Variants in PPP1R14C observed in about 807,000 individuals in gnomAD.
PPP1R14C encodes the protein protein phosphatase 1 regulatory inhibitor subunit 14C, also known as protein phosphatase 1 regulatory subunit 14C.
Under a neutral mutation model 20.4 loss-of-function variants are expected in PPP1R14C, and 16 were observed. That is an observed-to-expected ratio of 0.78 (90% CI 0.53 to 1.19). The LOEUF (loss-of-function observed/expected upper bound fraction) is 1.19. PPP1R14C is among the 50% of genes most tolerant of loss of function. The pLI is 0.00. For synonymous variants in PPP1R14C, 91 were observed against 91.0 expected, an observed-to-expected ratio of 1.00 and a Z score of 0.00; for missense variants, 211 against 220.1, an observed-to-expected ratio of 0.96 and a Z score of 0.26.
chr6:150,154,844 T>C (rs982146919), intron 1 of PPP1R14C, among the ~76,000 whole-genome samples: 1 of 152,212 alleles, frequency 6.6e-6, no homozygotes, highest in Non-Finnish European at 1.5e-5. Flanking sequence ...CTATTGGCTT[T>C]CAAGTTAAGT....
intron 1 of PPP1R14C, among the ~76,000 whole-genome samples, chr6:150,212,382 A>G (rs1192762289): frequency 6.6e-6 from 1 of 152,186 alleles, no homozygotes; most frequent in Non-Finnish European, 1.5e-5. Flanking sequence ...TGCAATACCT[A>G]ACAGAGAGCC....
intron 3 of PPP1R14C, among the ~76,000 whole-genome samples, chr6:150,241,855 C>T (rs575700278): frequency 6.6e-6 from 1 of 152,194 alleles, no homozygotes; most frequent in South Asian, 2.1e-4. Flanking sequence ...CCATTGCACT[C>T]CAGCCTGGGT....
At chr6:150,183,188 T>A (rs1433080176) in intron 1 of PPP1R14C, among the ~76,000 whole-genome samples, 1 of 147,956 alleles carries the variant, frequency 6.8e-6, no homozygotes, top group African/African-American at 2.5e-5. Flanking sequence ...TGAAGGGGAT[T>A]TTTTTTTTTT....
At chr6:150,160,351 A>G (rs1185609623) in intron 1 of PPP1R14C, among the ~76,000 whole-genome samples, 4 of 129,152 alleles carry the variant, frequency 3.1e-5, no homozygotes, top group East Asian at 4.6e-4. Context: ...TGCAAGCTCC[A>G]CCTCCTGGGT....
chr6:150,238,455 G>A (rs932513), intron 3 of PPP1R14C, among the ~76,000 whole-genome samples: 82,927 of 152,142 alleles, frequency 0.55, 24,677 homozygotes, highest in African/African-American at 0.8. Context: ...TGGCCTTTCA[G>A]TGAACACAGA....
intron 1 of PPP1R14C, among the ~76,000 whole-genome samples, chr6:150,195,549 G>A (rs1777794065): frequency 6.6e-6 from 1 of 152,138 alleles, no homozygotes; most frequent in Admixed American, 6.6e-5. Context: ...GTTTCACCAT[G>A]TTGCCCAGGC....
intron 3 of PPP1R14C, among the ~76,000 whole-genome samples, chr6:150,240,543 G>A (rs1264589864): frequency 2.0e-5 from 3 of 152,204 alleles, no homozygotes; most frequent in Non-Finnish European, 4.4e-5. Context: ...CTGATTGGTT[G>A]CAGAAGGTGA....
At position 150,173,731 on chromosome 6, in the gene PPP1R14C, C is replaced by T. The variant is rs565595385; in HGVS notation, c.306+30233C>T. Among the ~76,000 whole-genome samples the T allele has an allele frequency of 3.3e-5, 5 of 152,222 alleles. No homozygotes were observed. The East Asian group carries it at 5.8e-4, about 18-fold the overall frequency. On this transcript the variant is annotated intron_variant, in intron 1 of 3. Transcript: ENST00000361131. ...TCAGAATAATGCCGATGCCAGCCAG[C>T]GCTAGGAATGGAGGCCCGCAGAGGC...
chr6:150,149,455 CTTTTTTTTTTTTT>C (rs869244401), intron 1 of PPP1R14C, among the ~76,000 whole-genome samples: 3 of 35,484 alleles, frequency 8.5e-5, no homozygotes, highest in Admixed American at 3.2e-4. Flanking sequence ...TTTTTTTTTT[CTTTTTTTTTTTTT>C]TTTTTTTTTT....
rs143429267 is a variant in PPP1R14C, at chr6:150,237,684, G to C, written c.424-11062G>C. ...ATCATTTAATCCTTACAGCATCCTT[G>C]AGGTGAGGTCTTATTGTCATTGCTC... On this transcript the variant is annotated intron_variant, in intron 3 of 3. Transcript: ENST00000361131. 5.4e-3 allele frequency among the ~76,000 whole-genome samples: 819 copies of C among 152,252 alleles called. 7 individuals carry two copies. Among genetic ancestry groups the C allele is most frequent in the South Asian group, 0.011 (53 of 4,818 alleles).
At chr6:150,172,626 T>G (rs1231893028) in intron 1 of PPP1R14C, among the ~76,000 whole-genome samples, 2 of 152,166 alleles carry the variant, frequency 1.3e-5, no homozygotes, top group Non-Finnish European at 2.9e-5. Flanking sequence ...CTTGGTTTAT[T>G]GTGGGCCTCA....
intron 1 of PPP1R14C, among the ~76,000 whole-genome samples, chr6:150,202,832 C>CTTTTG (rs1192656412): frequency 7.9e-5 from 12 of 152,312 alleles, no homozygotes; most frequent in African/African-American, 2.4e-4. Flanking sequence ...TAGTCTTGGT[C>CTTTTG]TTTTGTTTTG....
At position 150,249,390 on chromosome 6, in the gene PPP1R14C, G is replaced by T. The variant is rs1368991885; in HGVS notation, c.*570G>T. ...CACTAGGCATTCTTCACTGAGTGCT[G>T]CTGACTTCAACGTTCACTTTATGCA... On this transcript the variant is annotated 3_prime_UTR_variant, in exon 4 of 4. Transcript: ENST00000361131. The T allele has an allele frequency of 5.0e-6, 2 of 398,700 alleles. No homozygotes were observed. The highest frequency in any genetic ancestry group is 4.1e-5 in the African/African-American group (2 of 48,630). The allele number at this position is 398,700 out of a possible 1,614,324, so 24.7% of individuals were successfully genotyped here.
intron 1 of PPP1R14C, among the ~76,000 whole-genome samples, chr6:150,200,615 G>A (rs970562075): frequency 3.3e-5 from 5 of 152,138 alleles, no homozygotes; most frequent in African/African-American, 1.2e-4. Context: ...AGGTGCAGCT[G>A]TGGCCTCCTC....
chr6:150,214,057 G>T (rs1454247999), intron 1 of PPP1R14C, among the ~76,000 whole-genome samples: 1 of 152,224 alleles, frequency 6.6e-6, no homozygotes, highest in Non-Finnish European at 1.5e-5. Flanking sequence ...CACTTCCTCG[G>T]TTCAGAGGGA....
chr6:150,230,226 C>T (rs752345411), intron 3 of PPP1R14C, among the ~76,000 whole-genome samples: 3 of 152,192 alleles, frequency 2.0e-5, no homozygotes, highest in Non-Finnish European at 2.9e-5. Flanking sequence ...AAATTCTTCC[C>T]TTCCCACCAC....
chr6:150,188,971 G>A (rs1479650753), intron 1 of PPP1R14C, among the ~76,000 whole-genome samples: 1 of 151,826 alleles, frequency 6.6e-6, no homozygotes, highest in African/African-American at 2.4e-5. Context: ...CAGTTCTCCT[G>A]CCTCAGCCTC....
At chr6:150,232,180 A>ATT (rs369598175) in intron 3 of PPP1R14C, among the ~76,000 whole-genome samples, 7 of 121,278 alleles carry the variant, frequency 5.8e-5, no homozygotes, top group African/African-American at 1.9e-4. Flanking sequence ...AGGTTGAGAC[A>ATT]TTTTTTTTTT....
intron 1 of PPP1R14C, among the ~76,000 whole-genome samples, chr6:150,178,007 A>T (rs1777581741): frequency 6.6e-6 from 1 of 152,088 alleles, no homozygotes; most frequent in African/African-American, 2.4e-5. Context: ...TCGCACAAGA[A>T]TGTGCTGTTC....
Sources: allele counts gnomAD v4.1 joint callset (sites outside exome capture counted in the v4.1 genomes callset), GRCh38; gene constraint gnomAD v4.1.1; transcripts MANE v1.5; gene names NCBI Gene and HGNC (gene_info 2026-07-23, HGNC 2026-07-21).